Variants in STXBP6 observed in about 807,000 individuals in gnomAD.
STXBP6 encodes the protein syntaxin binding protein 6, also known as syntaxin-binding protein 6.
A neutral mutation model predicts 26.9 loss-of-function variants in STXBP6; 21 were observed. That is an observed-to-expected ratio of 0.78 (90% CI 0.55 to 1.12). The LOEUF is 1.12. STXBP6 is among the 50% of genes most tolerant of loss of function. The pLI, the probability that STXBP6 is intolerant of heterozygous loss-of-function variation, is 0.00. For missense variants in STXBP6, 232 were observed against 257.9 expected, an observed-to-expected ratio of 0.90 and a Z score of 0.69; for synonymous variants, 97 against 92.6, an observed-to-expected ratio of 1.05 and a Z score of -0.27.
chr14:24,818,061 G>C (rs550365259), intron 5 of STXBP6: 1 of 456,710 alleles, frequency 2.2e-6, no homozygotes, highest in East Asian at 6.9e-5. Context: ...TTCCTCAGCA[G>C]AAGTGGTGTT....
At chr14:24,952,293 T>C (rs2073195839) in intron 2 of STXBP6, among the ~76,000 whole-genome samples, 1 of 151,236 alleles carries the variant, frequency 6.6e-6, no homozygotes, top group South Asian at 2.1e-4. Context: ...TAGCCATTCT[T>C]TATCCCTTAA....
rs371012017 is a variant in STXBP6 at position 24,933,147 on chromosome 14, C to A, written c.154+41518G>T. On this transcript the variant is annotated intron_variant, in intron 2 of 5. Coordinates refer to ENST00000323944, the MANE Select transcript of STXBP6 (RefSeq NM_001394410.1). ...CTTGATCTCAGGAGTTTGAGACCAGCCTAGCCAATATGGTGACACCCTGTC... is the reference window on the plus strand; with the variant it reads ...CTTGATCTCAGGAGTTTGAGACCAGACTAGCCAATATGGTGACACCCTGTC... 2.0e-5 allele frequency among the ~76,000 whole-genome samples: 3 copies of A among 152,236 alleles called. No individual in the cohort carries two copies. The East Asian group carries it at 5.8e-4, about 29-fold the overall frequency.
intron 1 of STXBP6, among the ~76,000 whole-genome samples, chr14:25,007,965 A>G (rs1249055852): frequency 6.6e-6 from 1 of 152,090 alleles, no homozygotes; most frequent in Non-Finnish European, 1.5e-5. Context: ...ACCTAACAAA[A>G]ACTACATCTG....
chr14:24,973,417 A>C, intron 2 of STXBP6, among the ~76,000 whole-genome samples: 1 of 118,326 alleles, frequency 8.5e-6, no homozygotes, highest in African/African-American at 3.4e-5. Context: ...ACAGAGTCTC[A>C]CTCTGTCAGC....
At chr14:24,814,238 T>A (rs990282441) in intron 5 of STXBP6, among the ~76,000 whole-genome samples, 5 of 152,174 alleles carry the variant, frequency 3.3e-5, no homozygotes, top group Admixed American at 3.3e-4. Flanking sequence ...TCCAGGTTGG[T>A]GCAAATGGCA....
At position 24,945,139 on chromosome 14, in the gene STXBP6, ATTTTTTTTTTTT is replaced by A. The variant is rs552562019; in HGVS notation, c.154+29514_154+29525del. 4.0e-5 allele frequency among the ~76,000 whole-genome samples: 4 copies of A among 100,716 alleles called. 1 individual carries two copies. Among genetic ancestry groups the A allele is most frequent in the Non-Finnish European group, 5.9e-5 (3 of 51,272 alleles). 66.1% of individuals were successfully genotyped at this position (100,716 alleles called of 152,430 possible). A position where few individuals can be genotyped will look rare whatever the true frequency, so the allele number is the denominator to read the frequency against. The stretch of plus-strand genomic sequence containing the variant: ...TGGCATGTATATGAACCAATTAGGA[ATTTTTTTTTTTT>A]TTTTTTTTTTTTTTTAGCAGATTCC... On this transcript the variant is annotated intron_variant, in intron 2 of 5. Coordinates refer to ENST00000323944, the MANE Select transcript of STXBP6 (RefSeq NM_001394410.1).
chr14:24,813,660 A>G (rs1330427888), intron 5 of STXBP6, among the ~76,000 whole-genome samples: 2 of 152,092 alleles, frequency 1.3e-5, no homozygotes, highest in Non-Finnish European at 2.9e-5. Context: ...TCCGCAGGCA[A>G]TAACTTTGCA....
At position 25,049,970 on chromosome 14, in the gene STXBP6, T is replaced by C; in HGVS notation, c.-125A>G. The C allele has an allele frequency of 1.4e-6, 1 of 735,890 alleles. No individual in the cohort carries two copies. Among genetic ancestry groups the C allele is most frequent in the Non-Finnish European group, 1.7e-6 (1 of 602,670 alleles). The allele number at this position is 735,890 out of a possible 1,614,324, so 45.6% of individuals were successfully genotyped here. On this transcript the variant is annotated 5_prime_UTR_variant, in exon 1 of 6. Transcript: ENST00000323944. The surrounding 1 kb of genome is among the most constrained non-coding windows in gnomAD (Gnocchi z 5.6). The stretch of plus-strand genomic sequence containing the variant: ...CCCGGGGGGCTGCCCCGCGCGGGGC[T>C]CCGGGCTCCGGACAAGGCTTAGCCG...
intron 2 of STXBP6, among the ~76,000 whole-genome samples, chr14:24,877,746 G>C (rs2070198191): frequency 6.6e-6 from 1 of 152,064 alleles, no homozygotes; most frequent in African/African-American, 2.4e-5. Flanking sequence ...AAATAATTTT[G>C]CAAGTATGTT....
chr14:25,033,208 T>C (rs1315540734), intron 1 of STXBP6, among the ~76,000 whole-genome samples: 2 of 152,192 alleles, frequency 1.3e-5, no homozygotes, highest in South Asian at 2.1e-4. Flanking sequence ...AAGAGCCAAC[T>C]CTGGCATCTC....
intron 2 of STXBP6, among the ~76,000 whole-genome samples, chr14:24,870,312 T>C (rs998815068): frequency 6.6e-6 from 1 of 152,168 alleles, no homozygotes. Flanking sequence ...ATAACTTCTA[T>C]TGGCCCCTTC....
intron 1 of STXBP6, among the ~76,000 whole-genome samples, chr14:25,004,227 A>T (rs1320521594): frequency 2.6e-5 from 4 of 152,122 alleles, no homozygotes; most frequent in Non-Finnish European, 5.9e-5. Flanking sequence ...CTACAACTAA[A>T]ACGGCTGAGT....
chr14:24,980,912 C>T (rs932997204), intron 1 of STXBP6, among the ~76,000 whole-genome samples: 1 of 152,176 alleles, frequency 6.6e-6, no homozygotes, highest in Non-Finnish European at 1.5e-5. Flanking sequence ...ATGAACATCA[C>T]CTGGGTGCCC....
chr14:25,034,482 CTTCT>C (rs1218623921), intron 1 of STXBP6, among the ~76,000 whole-genome samples: 1 of 152,168 alleles, frequency 6.6e-6, no homozygotes, highest in Non-Finnish European at 1.5e-5. Flanking sequence ...AACGTCTGAT[CTTCT>C]TTCTTTTGAA....
chr14:24,873,649 T>C (rs1358726840), intron 2 of STXBP6, among the ~76,000 whole-genome samples: 1 of 152,136 alleles, frequency 6.6e-6, no homozygotes, highest in Admixed American at 6.6e-5. Flanking sequence ...ACGGGAAAGG[T>C]CAGTGCCTTC....
chr14:24,897,275 T>C (rs2071025197), intron 2 of STXBP6, among the ~76,000 whole-genome samples: 1 of 150,952 alleles, frequency 6.6e-6, no homozygotes, highest in African/African-American at 2.4e-5. Context: ...CCAGGCGTGG[T>C]GGTGGGCGCC....
At chr14:24,891,051 C>T (rs1241621) in intron 2 of STXBP6, among the ~76,000 whole-genome samples, 55,552 of 152,032 alleles carry the variant, frequency 0.37, 10,372 homozygotes, top group East Asian at 0.43. Flanking sequence ...TGAATCCCTT[C>T]TTCTTGTATC....
intron 2 of STXBP6, among the ~76,000 whole-genome samples, chr14:24,881,502 A>C (rs2070354457): frequency 7.0e-6 from 1 of 143,152 alleles, no homozygotes; most frequent in African/African-American, 2.5e-5. Flanking sequence ...AGCTGAAGTA[A>C]AACAGCAGAG....
chr14:25,012,987 G>A (rs1479595214), intron 1 of STXBP6, among the ~76,000 whole-genome samples: 6 of 152,156 alleles, frequency 3.9e-5, no homozygotes, highest in Admixed American at 3.9e-4. Context: ...AGCACTTTGG[G>A]AGGCTGAGGT....
Sources: gnomAD v4.1 joint callset for allele counts (sites outside exome capture counted in the v4.1 genomes callset) on GRCh38, gnomAD v4.1.1 for gene constraint, Gnocchi (gnomAD v3.1) non-coding constraint, MANE v1.5 for transcripts, NCBI Gene and HGNC (gene_info 2026-07-23, HGNC 2026-07-21) for gene names.